The following MYH9 variants were observed in gnomAD, a reference collection of about 807,000 sequenced individuals.
The protein encoded by MYH9 is myosin-9.
Under a neutral mutation model 241.9 loss-of-function variants are expected in MYH9, and 29 were observed. The ratio of observed to expected loss-of-function variants is 0.12; its 90% CI spans 0.09 to 0.16. The LOEUF is 0.16. Ranked by LOEUF, MYH9 falls within the 10% of genes least tolerant of loss-of-function variation. The pLI, the probability that MYH9 is intolerant of heterozygous loss-of-function variation, is 1.00. For synonymous variants in MYH9, 1,047 were observed against 1,062.6 expected (o/e 0.99, Z 0.29); for missense variants, 1,803 against 2,595.5 (o/e 0.69, Z 6.63).
In MYH9 at chr22:36,306,178, T is replaced by C. The variant is rs1194805303; in HGVS notation, c.2038-127A>G. 6 of 1,497,796 alleles carry C rather than the reference T, an allele frequency of 4.0e-6. No homozygotes were observed. The highest frequency in any genetic ancestry group is 1.4e-5 in the African/African-American group (1 of 72,442). 92.8% of individuals were successfully genotyped at this position (1,497,796 alleles called of 1,614,324 possible). A position where few individuals can be genotyped will look rare whatever the true frequency, so the allele number is the denominator to read the frequency against. ...GAGGGGGTCGCTACAGCCCACAGGT[T>C]TGGACAATGAAGTCAAAGGATCCAG... is the stretch of plus-strand genomic sequence containing the variant. On this transcript the variant is annotated intron_variant, in intron 16 of 40. Coordinates refer to ENST00000216181, the MANE Select transcript of MYH9 (RefSeq NM_002473.6). This position sits in a 1 kb window ranked among gnomAD's most constrained non-coding sequence, Gnocchi z 4.1.
chr22:36,343,668 T>A (rs1052544713), intron 2 of MYH9, among the ~76,000 whole-genome samples: 11 of 152,290 alleles, frequency 7.2e-5, no homozygotes, highest in Admixed American at 7.2e-4. Context: ...AGTCACTTGT[T>A]TTCCCTCCAA....
intron 1 of MYH9, among the ~76,000 whole-genome samples, chr22:36,368,802 A>C (rs1045370295): frequency 6.6e-6 from 1 of 152,078 alleles, no homozygotes; most frequent in Admixed American, 6.6e-5. Context: ...CAGGTCCTGC[A>C]GCACAACAAA....
At chr22:36,290,564 G>A (rs1390239583) in intron 31 of MYH9, among the ~76,000 whole-genome samples, 4 of 152,180 alleles carry the variant, frequency 2.6e-5, no homozygotes, top group African/African-American at 4.8e-5. Flanking sequence ...CTTCCCGGCC[G>A]CCACCCCATC....
intron 2 of MYH9, among the ~76,000 whole-genome samples, chr22:36,345,788 G>A (rs189302333): frequency 2.1e-4 from 32 of 152,288 alleles, no homozygotes; most frequent in African/African-American, 7.7e-4. Flanking sequence ...CCAACACCTG[G>A]CTGTGTGACC....
chr22:36,384,461 T>C (rs1237159866), intron 1 of MYH9, among the ~76,000 whole-genome samples: 1 of 148,516 alleles, frequency 6.7e-6, no homozygotes, highest in Non-Finnish European at 1.5e-5. Context: ...TGGGCACCTG[T>C]AATCCCAGCT....
Position 36,285,031 on chromosome 22 carries a change from G to T in MYH9, c.5483+90C>A. On this transcript the variant is annotated intron_variant, in intron 38 of 40. Coordinates refer to ENST00000216181, the MANE Select transcript of MYH9 (RefSeq NM_002473.6). The surrounding 1 kb of genome is among the most constrained non-coding windows in gnomAD (Gnocchi z 7.0). ...CAGCCCCAGGCTCAGGAGACAGAGA[G>T]CTGGTTGTGGCCCAGATTTGGGCAG... 8.3e-7 allele frequency: 1 copy of T among 1,207,490 alleles called. No homozygotes were observed. Among genetic ancestry groups the T allele is most frequent in the Non-Finnish European group, 1.2e-6 (1 of 838,766 alleles). The allele number at this position is 1,207,490 out of a possible 1,614,324, so 74.8% of individuals were successfully genotyped here. A position where few individuals can be genotyped will look rare whatever the true frequency, so the allele number is the denominator to read the frequency against.
chr22:36,288,541 C>T lies in MYH9; in HGVS notation c.4771-128G>A. The T allele has an allele frequency of 7.2e-7, 1 of 1,386,834 alleles. No homozygotes were observed. Among genetic ancestry groups the T allele is most frequent in the Non-Finnish European group, 1.0e-6 (1 of 991,146 alleles). The allele number at this position is 1,386,834 out of a possible 1,614,324, so 85.9% of individuals were successfully genotyped here. Reference sequence around the variant, plus strand: ...GGCCTCGGGAAACCAGTGGGGATTACTGACCATAAGAACTCTAAGAAAGTG... The same window carrying T: ...GGCCTCGGGAAACCAGTGGGGATTATTGACCATAAGAACTCTAAGAAAGTG... On this transcript the variant is annotated intron_variant, in intron 33 of 40. Coordinates refer to ENST00000216181, the MANE Select transcript of MYH9 (RefSeq NM_002473.6). The surrounding 1 kb of genome is among the most constrained non-coding windows in gnomAD (Gnocchi z 4.8).
At chr22:36,351,146 C>T (rs1171546714) in intron 1 of MYH9, among the ~76,000 whole-genome samples, 1 of 152,204 alleles carries the variant, frequency 6.6e-6, no homozygotes, top group Non-Finnish European at 1.5e-5. Flanking sequence ...CAAGGGGCTC[C>T]CCTGGACTCA....
At position 36,282,364 on chromosome 22, in the gene MYH9, A is replaced by G. The variant is rs1603482646; in HGVS notation, c.*304T>C. 1.8e-6 allele frequency: 1 copy of G among 558,408 alleles called. No individual in the cohort carries two copies. The highest frequency in any genetic ancestry group is 3.0e-5 in the East Asian group (1 of 33,078). 34.6% of individuals were successfully genotyped at this position (558,408 alleles called of 1,614,324 possible). On this transcript the variant is annotated 3_prime_UTR_variant, in exon 41 of 41. Coordinates refer to ENST00000216181, the MANE Select transcript of MYH9 (RefSeq NM_002473.6). ...GGGGGCCTGCCCTGCTCGCCTCAAC[A>G]TCTTGTGCTTTTTGGCAAGAGAGGG... is the stretch of plus-strand genomic sequence containing the variant.
chr22:36,386,790 G>C (rs1257925195), intron 1 of MYH9, among the ~76,000 whole-genome samples: 1 of 152,260 alleles, frequency 6.6e-6, no homozygotes, highest in Non-Finnish European at 1.5e-5. Flanking sequence ...CCTGGAGAAT[G>C]AGGGTGCCGC....
chr22:36,321,882 C>CG (rs972594790), intron 6 of MYH9, 61 bp from the exon 7 acceptor site: 1 of 1,428,440 alleles, frequency 7.0e-7, no homozygotes, highest in African/African-American at 1.4e-5. Context: ...CTAGAGAGCA[C>CG]GGGGGAGACC....
chr22:36,282,807 G>A (rs752301939), intron 40 of MYH9, 22 bp from the exon 41 acceptor site: 4 of 1,597,086 alleles, frequency 2.5e-6, no homozygotes, highest in East Asian at 2.2e-5. Context: ...GGTAGAAGCA[G>A]AGGGTCAGCG....
intron 1 of MYH9, among the ~76,000 whole-genome samples, chr22:36,387,341 G>A (rs1351967419): frequency 1.3e-5 from 2 of 152,234 alleles, no homozygotes; most frequent in Admixed American, 1.3e-4. Context: ...TGCCTCAGAC[G>A]CCAGAAACTT....
intron 2 of MYH9, among the ~76,000 whole-genome samples, chr22:36,342,081 A>T (rs949059289): frequency 6.6e-6 from 1 of 152,246 alleles, no homozygotes; most frequent in African/African-American, 2.4e-5. Context: ...TTTCTCTGGA[A>T]TCTTCTAGAG....
intron 5 of MYH9, 47 bp from the exon 6 acceptor site, chr22:36,322,568 C>A (rs761402044): frequency 6.4e-7 from 1 of 1,572,502 alleles, no homozygotes; most frequent in Non-Finnish European, 8.7e-7. Context: ...GCGACCTGGG[C>A]TGCCGAGCCT....
chr22:36,299,132 G>A, intron 23 of MYH9, 90 bp from the exon 24 acceptor site: 1 of 1,540,860 alleles, frequency 6.5e-7, no homozygotes, highest in African/African-American at 1.4e-5. Context: ...GAAATCTGGG[G>A]CTGAATGGAG....
Position 36,296,878 on chromosome 22 carries a change from G to C in MYH9, c.3237C>G (p.Ala1079=). ...AQIAELKMQL[A]KKEEELQAAL... ...CGGCCTGGAGCTCCTCCTCTTTCTT[G>C]GCCAGCTGCATCTTGAGCTCCGCGA... The change falls in exon 25 of 41, where the codon GCC becomes GCG. Residue 1079 remains alanine (A), a synonymous_variant. Transcript: ENST00000216181. The C allele has an allele frequency of 1.2e-6, 2 of 1,613,140 alleles. No individual in the cohort carries two copies. The highest frequency in any genetic ancestry group is 1.7e-6 in the Non-Finnish European group (2 of 1,179,690).
chr22:36,322,355 GA>G, intron 6 of MYH9, 73 bp downstream of exon 6: 1 of 1,522,200 alleles, frequency 6.6e-7, no homozygotes, highest in Non-Finnish European at 9.1e-7. Context: ...GGGCACCCAG[GA>G]AAAGGCAGCA....
At chr22:36,346,739 G>A (rs1468438425) in intron 2 of MYH9, among the ~76,000 whole-genome samples, 1 of 152,030 alleles carries the variant, frequency 6.6e-6, no homozygotes, top group East Asian at 1.9e-4. Flanking sequence ...GAAATAGCTG[G>A]GACTATAGGC....
Sources: gnomAD v4.1 joint callset for allele counts (sites outside exome capture counted in the v4.1 genomes callset) on GRCh38, gnomAD v4.1.1 for gene constraint, Gnocchi (gnomAD v3.1) non-coding constraint, MANE v1.5 for transcripts, NCBI Gene and HGNC (gene_info 2026-07-23, HGNC 2026-07-21) for gene names.